HAS2: variants seen among roughly 807,000 people sequenced by gnomAD.
The protein encoded by HAS2 is hyaluronan synthase 2.
Under a neutral mutation model 51.6 loss-of-function variants are expected in HAS2, and 16 were observed. The ratio of observed to expected loss-of-function variants is 0.31; its 90% CI spans 0.21 to 0.47. HAS2 has a LOEUF of 0.47. Ranked by LOEUF, HAS2 falls within the 20% of genes least tolerant of loss-of-function variation. The pLI is 1.00. For missense variants in HAS2, 361 were observed against 662.6 expected (o/e 0.54, Z 5.00); for synonymous variants, 228 against 235.5 (o/e 0.97, Z 0.29).
intron 1 of HAS2, among the ~76,000 whole-genome samples, chr8:121,638,327 C>A (rs1031217460): frequency 6.6e-6 from 1 of 152,174 alleles, no homozygotes; most frequent in African/African-American, 2.4e-5. Context: ...GACTAAATAT[C>A]TTTGCTTTAT....
chr8:121,627,705 C>T (rs1180719949), intron 2 of HAS2, among the ~76,000 whole-genome samples: 1 of 152,082 alleles, frequency 6.6e-6, no homozygotes, highest in African/African-American at 2.4e-5. Flanking sequence ...GACTCTAAAG[C>T]CAATGTCCAT....
Position 121,614,327 on chromosome 8 carries a change from C to G in HAS2, c.1441G>C (p.Val481Leu), listed in dbSNP as rs760952242. ...IVVNFIGLIP[V>L]SVWFTILLGG... ...AGGAGGATTGTAAACCAAACTGATA[C>G]TGGAATGAGTCCTATGAAATTAACA... is the stretch of plus-strand genomic sequence containing the variant. The change falls in exon 4 of 4, where the codon GTA becomes CTA. Residue 481 changes from valine (V) to leucine (L), a missense_variant. Val to Leu is a conservative substitution (Grantham distance 32). Around this residue, in one of 5 missense-constraint regions of HAS2, gnomAD observed 106 missense variants for 241.0 expected, o/e 0.44. Coordinates refer to ENST00000303924, the MANE Select transcript of HAS2 (RefSeq NM_005328.3). This position sits in a 1 kb window ranked among gnomAD's most constrained non-coding sequence, Gnocchi z 7.2. 1 of 1,614,074 alleles carries G rather than the reference C, an allele frequency of 6.2e-7. No individual in the cohort carries two copies. The highest frequency in any genetic ancestry group is 1.7e-5 in the Admixed American group (1 of 60,016).
intron 2 of HAS2, among the ~76,000 whole-genome samples, chr8:121,627,499 G>A (rs1433031524): frequency 6.6e-6 from 1 of 152,104 alleles, no homozygotes; most frequent in Non-Finnish European, 1.5e-5. Context: ...ACTATAATTT[G>A]AGCAAGGACT....
At chr8:121,617,291 T>A (rs1400138474) in intron 2 of HAS2, 85 bp from the exon 3 acceptor site, 1 of 743,882 alleles carries the variant, frequency 1.3e-6, no homozygotes, top group East Asian at 2.6e-5. Context: ...ACATACATAC[T>A]GTGTCCTCAT....
At chr8:121,637,961 A>G (rs1252317017) in intron 1 of HAS2, among the ~76,000 whole-genome samples, 1 of 152,228 alleles carries the variant, frequency 6.6e-6, no homozygotes, top group African/African-American at 2.4e-5. Flanking sequence ...TACAAGAGCC[A>G]GAAAGCTAGT....
chr8:121,622,783 T>C (rs1812790195), intron 2 of HAS2, among the ~76,000 whole-genome samples: 1 of 152,160 alleles, frequency 6.6e-6, no homozygotes, highest in Non-Finnish European at 1.5e-5. Context: ...TAACTTTATT[T>C]TTTAATCTTG....
intron 2 of HAS2, among the ~76,000 whole-genome samples, chr8:121,618,842 A>G (rs1812741137): frequency 6.6e-6 from 1 of 152,148 alleles, no homozygotes. Context: ...ATTTTTTTTA[A>G]TATCAAAATA....
In HAS2 at chr8:121,628,821, A is replaced by G; in HGVS notation, c.520T>C (p.Leu174=). Residue 174 remains leucine (L), a synonymous_variant, in exon 2 of 4, where the codon TTG becomes CTG. Transcript: ENST00000303924. ...HKESSQHVTQ[L]VLSNKSICIM... ...CAGATACTTTTGTTGGACAAGACCA[A>G]TTGCGTTACGTGTTGCGAGCTTTCT... The G allele has an allele frequency of 6.2e-7, 1 of 1,614,112 alleles. No individual in the cohort carries two copies. The highest frequency in any genetic ancestry group is 1.1e-5 in the South Asian group (1 of 91,080).
chr8:121,625,618 C>A (rs1812837426), intron 2 of HAS2, among the ~76,000 whole-genome samples: 1 of 151,002 alleles, frequency 6.6e-6, no homozygotes, highest in African/African-American at 2.4e-5. Flanking sequence ...CTCTAGCAAT[C>A]CTACCTCAGC....
chr8:121,633,911 G>GTTTTTTTTTTTTTT (rs547991757), intron 1 of HAS2, among the ~76,000 whole-genome samples: 1 of 140,934 alleles, frequency 7.1e-6, no homozygotes, highest in Non-Finnish European at 1.5e-5. Context: ...TGTTTTTTTG[G>GTTTTTTTTTTTTTT]GTTTTTTTTT....
At position 121,630,945 on chromosome 8, in the gene HAS2, GC is replaced by G. The variant is rs1283830770; in HGVS notation, c.1-1606del. Among the ~76,000 whole-genome samples the G allele has an allele frequency of 3.9e-5, 6 of 152,242 alleles. 1 individual carries two copies. The South Asian group carries it at 1.0e-3, about 26-fold the overall frequency. ...TGTACTTTTGGGAAACCTTAGTGTG[GC>G]TTCTTACCAATTGTGTTACCTTTCC... On this transcript the variant is annotated intron_variant, in intron 1 of 3. Coordinates refer to ENST00000303924, the MANE Select transcript of HAS2 (RefSeq NM_005328.3).
Position 121,614,474 on chromosome 8 carries a change from C to A in HAS2, c.1294G>T (p.Val432Phe), listed in dbSNP as rs772040759. The part of the protein sequence containing the change: ...SFASCLRGNI[V>F]MVFMSLYSVL... Reference sequence around the variant, plus strand: ...GAGTAGAGAGACATGAAGACCATGACGATATTTCCTCTAAGGCAGCTGGCA... The same window carrying A: ...GAGTAGAGAGACATGAAGACCATGAAGATATTTCCTCTAAGGCAGCTGGCA... Residue 432 changes from valine to phenylalanine, a missense_variant, in exon 4 of 4, where the codon GTC (valine) becomes TTC (phenylalanine). Physicochemically the swap from Val to Phe is conservative, Grantham distance 50. Transcript: ENST00000303924. The surrounding 1 kb of genome is among the most constrained non-coding windows in gnomAD (Gnocchi z 7.2). 1 of 1,613,734 alleles carries A rather than the reference C, an allele frequency of 6.2e-7. No homozygotes were observed. Among genetic ancestry groups the A allele is most frequent in the Non-Finnish European group, 8.5e-7 (1 of 1,179,764 alleles).
At chr8:121,639,696 T>A (rs1365124397) in intron 1 of HAS2, 4 of 152,404 alleles carry the variant, frequency 2.6e-5, no homozygotes, top group Non-Finnish European at 5.9e-5. Context: ...AAAAGGCTCT[T>A]TCGCCTCCCG....
chr8:121,624,229 G>C (rs967649501), intron 2 of HAS2, among the ~76,000 whole-genome samples: 1 of 152,144 alleles, frequency 6.6e-6, no homozygotes, highest in African/African-American at 2.4e-5. Context: ...CAGCATTACA[G>C]TTCAAGGCCA....
Position 121,628,885 on chromosome 8 carries a change from G to A in HAS2, c.456C>T (p.Phe152=), listed in dbSNP as rs776537809. The A allele has an allele frequency of 6.2e-7, 1 of 1,614,078 alleles. No individual in the cohort carries two copies. Reference sequence around the variant, plus strand: ...CTGTCTCACCGGGACCCTTTTCGTGGAAGTTGTTCTTCCAGATATAAGTGG... The same window carrying A: ...CTGTCTCACCGGGACCCTTTTCGTGAAAGTTGTTCTTCCAGATATAAGTGG... ...KSATYIWKNN[F]HEKGPGETDE... Residue 152 remains phenylalanine (F), a synonymous_variant, in exon 2 of 4, where the codon TTC becomes TTT. Coordinates refer to ENST00000303924, the MANE Select transcript of HAS2 (RefSeq NM_005328.3).
intron 2 of HAS2, among the ~76,000 whole-genome samples, chr8:121,625,962 A>G (rs1291042419): frequency 2.0e-5 from 3 of 152,030 alleles, no homozygotes; most frequent in African/African-American, 4.8e-5. Context: ...TTACTGTTCT[A>G]TGTCAGCATT....
intron 2 of HAS2, among the ~76,000 whole-genome samples, chr8:121,624,682 A>C (rs967389093): frequency 6.6e-6 from 1 of 152,242 alleles, no homozygotes; most frequent in Non-Finnish European, 1.5e-5. Flanking sequence ...TCTACCTAGG[A>C]AGTCCCTAAT....
chr8:121,632,106 T>C (rs1395338956), intron 1 of HAS2, among the ~76,000 whole-genome samples: 1 of 152,172 alleles, frequency 6.6e-6, no homozygotes, highest in Non-Finnish European at 1.5e-5. Flanking sequence ...CCTTTATATT[T>C]CTGCAAGATA....
intron 3 of HAS2, 33 bp downstream of exon 3, chr8:121,617,072 C>A (rs1213655060): frequency 1.7e-6 from 2 of 1,193,254 alleles, no homozygotes; most frequent in Admixed American, 3.6e-5. Context: ...GTATTTCATG[C>A]AAAACAAACA....
Sources: gnomAD v4.1 joint callset for allele counts (sites outside exome capture counted in the v4.1 genomes callset) on GRCh38, gnomAD v4.1.1 for gene constraint, gnomAD v4.1.1 regional missense constraint, Gnocchi (gnomAD v3.1) non-coding constraint, MANE v1.5 for transcripts, NCBI Gene and HGNC (gene_info 2026-07-23, HGNC 2026-07-21) for gene names.